SCN11A: variants seen among roughly 807,000 people sequenced by gnomAD.
SCN11A encodes the protein sodium voltage-gated channel alpha subunit 11.
A neutral mutation model predicts 162.2 loss-of-function variants in SCN11A; 122 were observed. The ratio of observed to expected loss-of-function variants is 0.75; its 90% CI spans 0.65 to 0.87. The LOEUF (loss-of-function observed/expected upper bound fraction) is 0.87, where lower values mean the gene tolerates loss of function less well. Among genes scored for constraint, SCN11A ranks in the 40% least tolerant of loss-of-function variants. The pLI is 0.00. For synonymous variants in SCN11A, 758 were observed against 751.5 expected (o/e 1.01, Z -0.14); for missense variants, 2,015 against 2,181.6 (o/e 0.92, Z 1.52).
At chr3:38,994,189 A>T (rs1197386802) in intron 2 of SCN11A, among the ~76,000 whole-genome samples, 1 of 152,250 alleles carries the variant, frequency 6.6e-6, no homozygotes, top group Non-Finnish European at 1.5e-5. Flanking sequence ...TAACTCAGTG[A>T]TATACTTTGA....
chr3:38,903,797 T>G (rs2065741748), intron 16 of SCN11A, 68 bp downstream of exon 16: 1 of 1,240,152 alleles, frequency 8.1e-7, no homozygotes, highest in Admixed American at 2.4e-5. Context: ...ACAAAATGTT[T>G]AGACTTTGAA....
At chr3:38,853,210 T>C (rs1041930288) in intron 28 of SCN11A, among the ~76,000 whole-genome samples, 1 of 152,226 alleles carries the variant, frequency 6.6e-6, no homozygotes, top group Admixed American at 6.6e-5. Context: ...CAGAACATAT[T>C]GTGTCTTGTG....
intron 23 of SCN11A, 39 bp from the exon 24 acceptor site, chr3:38,872,333 G>A: frequency 8.8e-7 from 1 of 1,142,546 alleles, no homozygotes; most frequent in Non-Finnish European, 1.3e-6. Flanking sequence ...TACCTGACTT[G>A]GTGTCCAGCT....
At chr3:38,933,797 T>C (rs2125561312) in intron 7 of SCN11A, among the ~76,000 whole-genome samples, 1 of 152,282 alleles carries the variant, frequency 6.6e-6, no homozygotes, top group Admixed American at 6.5e-5. Flanking sequence ...TGGAAAACAC[T>C]CTGCAGGATA....
chr3:39,028,648 A>G (rs758446011), intron 2 of SCN11A, among the ~76,000 whole-genome samples: 7 of 152,232 alleles, frequency 4.6e-5, no homozygotes, highest in Non-Finnish European at 1.0e-4. Context: ...GGGCATGATG[A>G]CAGCTTCTGG....
intron 11 of SCN11A, among the ~76,000 whole-genome samples, chr3:38,917,651 C>T (rs887851606): frequency 2.6e-5 from 4 of 152,098 alleles, no homozygotes; most frequent in Non-Finnish European, 5.9e-5. Flanking sequence ...ACAATAGATA[C>T]TGGGACCTAT....
chr3:39,018,742 C>T (rs558151943), intron 2 of SCN11A, among the ~76,000 whole-genome samples: 11 of 152,158 alleles, frequency 7.2e-5, no homozygotes, highest in African/African-American at 1.9e-4. Context: ...GGCGTGAACC[C>T]GGGAGGCAGA....
intron 7 of SCN11A, among the ~76,000 whole-genome samples, chr3:38,930,326 T>A (rs942732195): frequency 6.6e-6 from 1 of 152,210 alleles, no homozygotes; most frequent in African/African-American, 2.4e-5. Context: ...CCTCCTTGCT[T>A]CAGGCTTTTT....
At chr3:38,938,643 C>T (rs1307903635) in intron 7 of SCN11A, among the ~76,000 whole-genome samples, 1 of 140,262 alleles carries the variant, frequency 7.1e-6, no homozygotes, top group African/African-American at 2.6e-5. Context: ...CTGCTCTCTG[C>T]AACCTCTGCC....
chr3:38,934,674 C>T (rs551437081), intron 7 of SCN11A, among the ~76,000 whole-genome samples: 7 of 151,840 alleles, frequency 4.6e-5, no homozygotes, highest in Non-Finnish European at 8.8e-5. Flanking sequence ...ACAAGAAGAG[C>T]TAACTATCCT....
At chr3:38,938,539 TATATATATA>T (rs2066383815) in intron 7 of SCN11A, among the ~76,000 whole-genome samples, 6 of 24,850 alleles carry the variant, frequency 2.4e-4, no homozygotes, top group African/African-American at 4.7e-4. Flanking sequence ...TATATATATA[TATATATATA>T]TATTTTTTTT....
Position 38,942,969 on chromosome 3 carries a change from A to G in SCN11A, c.488+2442T>C, listed in dbSNP as rs568499763. ...CAGGGCCCAGCAATTACACCTAGGT[A>G]TTTATCCCAGAGAAATGCAAAAATA... On this transcript the variant is annotated intron_variant, in intron 7 of 29. Coordinates refer to ENST00000302328, the MANE Select transcript of SCN11A (RefSeq NM_001349253.2). 2.4e-4 allele frequency among the ~76,000 whole-genome samples: 36 copies of G among 152,292 alleles called. No individual in the cohort carries two copies. The South Asian group carries it at 7.3e-3, about 31-fold the overall frequency.
intron 2 of SCN11A, among the ~76,000 whole-genome samples, chr3:39,023,213 G>A (rs375673337): frequency 6.6e-6 from 1 of 150,844 alleles, no homozygotes; most frequent in African/African-American, 2.4e-5. Context: ...AATTGATAAT[G>A]GTTGATGCTA....
At chr3:38,890,708 A>G (rs2065485204) in intron 19 of SCN11A, among the ~76,000 whole-genome samples, 2 of 152,282 alleles carry the variant, frequency 1.3e-5, no homozygotes. Flanking sequence ...AGAGGCAGAC[A>G]GCTTAACAGA....
chr3:38,914,681 G>A (rs890219214), intron 11 of SCN11A, among the ~76,000 whole-genome samples: 2 of 152,142 alleles, frequency 1.3e-5, no homozygotes, highest in African/African-American at 2.4e-5. Context: ...AGTGTATTGA[G>A]AGTTTTGAAC....
chr3:38,906,940 T>C (rs1488711246), intron 14 of SCN11A, among the ~76,000 whole-genome samples: 1 of 152,056 alleles, frequency 6.6e-6, no homozygotes, highest in Non-Finnish European at 1.5e-5. Flanking sequence ...TGCACGCGCA[T>C]ACACACACAC....
At position 38,846,339 on chromosome 3, in the gene SCN11A, CTT is replaced by C; in HGVS notation, c.*353_*354del. 4.8e-6 allele frequency: 1 copy of C among 209,572 alleles called. No homozygotes were observed. The highest frequency in any genetic ancestry group is 9.4e-5 in the South Asian group (1 of 10,672). The allele number at this position is 209,572 out of a possible 1,614,324, so 13.0% of individuals were successfully genotyped here. ...ATGTTGGCCAGGATGGTCTCGATCT[CTT>C]GACCTCGTGATCCACCTGCCTTGGC... On this transcript the variant is annotated 3_prime_UTR_variant, in exon 30 of 30. Transcript: ENST00000302328.
intron 7 of SCN11A, among the ~76,000 whole-genome samples, chr3:38,944,825 C>T (rs1332207488): frequency 8.6e-5 from 13 of 151,778 alleles, no homozygotes; most frequent in African/African-American, 2.2e-4. Flanking sequence ...TGGCTGGGCA[C>T]GGTGGCAGGC....
At chr3:38,955,238 G>A (rs2066667523) in intron 3 of SCN11A, among the ~76,000 whole-genome samples, 1 of 152,198 alleles carries the variant, frequency 6.6e-6, no homozygotes, top group South Asian at 2.1e-4. Flanking sequence ...AGTGAGCTGA[G>A]ATCACTCTAC....
Sources: allele counts gnomAD v4.1 joint callset (sites outside exome capture counted in the v4.1 genomes callset), GRCh38; gene constraint gnomAD v4.1.1; transcripts MANE v1.5; gene names NCBI Gene and HGNC (gene_info 2026-07-23, HGNC 2026-07-21).